GNB1: variants seen among roughly 807,000 people sequenced by gnomAD.
GNB1 encodes the protein G protein subunit beta 1.
A neutral mutation model predicts 42.9 loss-of-function variants in GNB1; 2 were observed. That is an observed-to-expected ratio of 0.05 (90% confidence interval 0.02 to 0.15). The LOEUF is 0.15. Ranked by LOEUF, GNB1 falls within the 10% of genes least tolerant of loss-of-function variation. The pLI, the probability that GNB1 is intolerant of heterozygous loss-of-function variation, is 1.00. For synonymous variants in GNB1, 183 were observed against 174.7 expected (o/e 1.05, Z -0.38); for missense variants, 193 against 462.2 (o/e 0.42, Z 5.34).
chr1:1,798,518 G>T (rs529978596), intron 7 of GNB1, among the ~76,000 whole-genome samples: 16 of 152,238 alleles, frequency 1.1e-4, no homozygotes, highest in Non-Finnish European at 2.4e-4. Flanking sequence ...CCTTAGGCTG[G>T]ACTTCTGATC....
chr1:1,813,912 C>T (rs1646815521), intron 5 of GNB1, among the ~76,000 whole-genome samples: 1 of 152,214 alleles, frequency 6.6e-6, no homozygotes, highest in African/African-American at 2.4e-5. Flanking sequence ...AGCTAATCAA[C>T]ATACCCATCA....
intron 7 of GNB1, chr1:1,794,324 C>T (rs538842493): frequency 6.6e-6 from 1 of 152,234 alleles, no homozygotes; most frequent in East Asian, 1.9e-4. Flanking sequence ...TTGAACCCGG[C>T]AGTTCAAGTT....
chr1:1,879,343 T>C lies in GNB1; in HGVS notation c.-96+11477A>G, dbSNP rs558188872. On this transcript the variant is annotated intron_variant, in intron 1 of 11. Transcript: ENST00000378609. ...TGTGCTATAAATTAAAACTGAAATG[T>C]CCTAAAAATGTTTATCATTTGAAAA... 9.2e-5 allele frequency among the ~76,000 whole-genome samples: 14 copies of C among 152,340 alleles called. No individual in the cohort carries two copies. The East Asian group carries it at 1.7e-3, about 19-fold the overall frequency.
chr1:1,821,277 T>C (rs1646927492), intron 3 of GNB1, among the ~76,000 whole-genome samples: 1 of 152,222 alleles, frequency 6.6e-6, no homozygotes, highest in South Asian at 2.1e-4. Context: ...CATCTACGCC[T>C]GTGCATCCTG....
At chr1:1,869,485 C>T (rs1489436745) in intron 1 of GNB1, among the ~76,000 whole-genome samples, 1 of 152,192 alleles carries the variant, frequency 6.6e-6, no homozygotes, top group Non-Finnish European at 1.5e-5. Flanking sequence ...CAGTGCAGCA[C>T]CAGCAACACA....
Position 1,862,978 on chromosome 1 carries a change from C to T in GNB1, c.-95-23740G>A, listed in dbSNP as rs138444170. ...ACAAGAGGGAAAACCAAACCTCATT[C>T]AGCCCCACGCCAGGCCACATCCCTC... is the stretch of plus-strand genomic sequence containing the variant. On this transcript the variant is annotated intron_variant, in intron 1 of 11. Transcript: ENST00000378609. 2.0e-5 allele frequency among the ~76,000 whole-genome samples: 3 copies of T among 152,298 alleles called. No individual in the cohort carries two copies. In the East Asian group the frequency reaches 5.8e-4, roughly 29 times the overall value.
intron 9 of GNB1, 43 bp from the exon 10 acceptor site, chr1:1,789,312 AAAGAAACAT>A: frequency 8.9e-7 from 1 of 1,124,390 alleles, no homozygotes; most frequent in Non-Finnish European, 1.4e-6. Flanking sequence ...AAACGCTCAG[AAAGAAACAT>A]TGGGAATATG....
intron 1 of GNB1, among the ~76,000 whole-genome samples, chr1:1,873,096 C>T (rs1299294257): frequency 6.6e-6 from 1 of 151,664 alleles, no homozygotes; most frequent in African/African-American, 2.4e-5. Context: ...GATGCGGTCT[C>T]ACTATGTTGT....
intron 1 of GNB1, among the ~76,000 whole-genome samples, chr1:1,875,836 G>C (rs1192633082): frequency 9.3e-5 from 1 of 10,724 alleles, no homozygotes; most frequent in East Asian, 0.023. Context: ...GTTCAACAGT[G>C]TCCCCCCCCC....
At chr1:1,886,185 G>C (rs1650145885) in intron 1 of GNB1, among the ~76,000 whole-genome samples, 1 of 152,042 alleles carries the variant, frequency 6.6e-6, no homozygotes, top group Admixed American at 6.5e-5. Context: ...GGGCATGACG[G>C]CGGGTGCCTG....
At chr1:1,884,013 T>C (rs1650006979) in intron 1 of GNB1, among the ~76,000 whole-genome samples, 1 of 151,568 alleles carries the variant, frequency 6.6e-6, no homozygotes, top group Admixed American at 6.6e-5. Flanking sequence ...TTGCCCAGGC[T>C]GCAGTACAAT....
At chr1:1,881,528 T>G (rs949513199) in intron 1 of GNB1, among the ~76,000 whole-genome samples, 4 of 151,952 alleles carry the variant, frequency 2.6e-5, no homozygotes, top group Non-Finnish European at 5.9e-5. Flanking sequence ...CTCAGCCTAA[T>G]GAGTAGCTGA....
chr1:1,802,216 A>G (rs1053646402), intron 7 of GNB1, among the ~76,000 whole-genome samples: 2 of 152,230 alleles, frequency 1.3e-5, no homozygotes, highest in African/African-American at 4.8e-5. Context: ...AATCAGGCCG[A>G]GATACAACAA....
At chr1:1,818,034 G>T (rs1404079859) in intron 3 of GNB1, 159 bp from the exon 4 acceptor site, 3 of 610,016 alleles carry the variant, frequency 4.9e-6, no homozygotes, top group Non-Finnish European at 9.1e-6. Context: ...ACACCCCATG[G>T]TCTACTACCA....
intron 2 of GNB1, 62 bp downstream of exon 2, chr1:1,839,128 C>G (rs954945623): frequency 7.2e-5 from 11 of 152,120 alleles, no homozygotes; most frequent in African/African-American, 2.7e-4. Context: ...TAAAAACAAA[C>G]TCTGAAGAAA....
chr1:1,835,922 G>GAAAAAAAAAAAAA (rs59271649), intron 2 of GNB1, among the ~76,000 whole-genome samples: 65 of 88,580 alleles, frequency 7.3e-4, no homozygotes, highest in African/African-American at 1.2e-3. Flanking sequence ...ATTAAAAAAA[G>GAAAAAAAAAAAAA]AAAAAAAAAA....
At chr1:1,801,225 G>A (rs768450641) in intron 7 of GNB1, among the ~76,000 whole-genome samples, 4 of 152,122 alleles carry the variant, frequency 2.6e-5, no homozygotes, top group South Asian at 2.1e-4. Context: ...ACGGGGTTTC[G>A]TCATGTTGGC....
chr1:1,796,609 T>G (rs970614966), intron 7 of GNB1, among the ~76,000 whole-genome samples: 1 of 152,120 alleles, frequency 6.6e-6, no homozygotes, highest in Non-Finnish European at 1.5e-5. Flanking sequence ...ACACTTCAGG[T>G]GAAAACACGC....
chr1:1,851,604 G>GGAAAC (rs1227541655), intron 1 of GNB1, among the ~76,000 whole-genome samples: 1 of 151,798 alleles, frequency 6.6e-6, no homozygotes, highest in Non-Finnish European at 1.5e-5. Context: ...TGGCCAAAGA[G>GGAAAC]GAAACCTCAC....
Sources: gnomAD v4.1 joint callset for allele counts (sites outside exome capture counted in the v4.1 genomes callset) on GRCh38, gnomAD v4.1.1 for gene constraint, MANE v1.5 for transcripts, NCBI Gene and HGNC (gene_info 2026-07-23, HGNC 2026-07-21) for gene names.